Variants in ZNF609 observed in about 807,000 individuals in gnomAD.
ZNF609 encodes the protein zinc finger protein 609.
A neutral mutation model predicts 109.5 loss-of-function variants in ZNF609; 11 were observed. The observed-to-expected ratio is 0.10, with a 90% CI of 0.06 to 0.17. The LOEUF (loss-of-function observed/expected upper bound fraction) is 0.17. Among genes scored for constraint, ZNF609 ranks in the 10% least tolerant of loss-of-function variants. The pLI is 1.00. For missense variants in ZNF609, 1,559 were observed against 1,772.4 expected (o/e 0.88, Z 2.16); for synonymous variants, 646 against 662.0 (o/e 0.98, Z 0.37).
At chr15:64,642,848 T>A (rs886595050) in intron 3 of ZNF609, among the ~76,000 whole-genome samples, 16 of 152,198 alleles carry the variant, frequency 1.1e-4, no homozygotes, top group Admixed American at 3.3e-4. Flanking sequence ...AAAATTTTTT[T>A]AAATGGTTTT....
At chr15:64,631,822 G>T in intron 3 of ZNF609, 2 of 172,298 alleles carry the variant, frequency 1.2e-5, no homozygotes, top group Non-Finnish European at 2.4e-5. Context: ...GGGATTACAG[G>T]CATGAGCCAC....
intron 2 of ZNF609, among the ~76,000 whole-genome samples, chr15:64,580,955 CTTTTTTTTT>C (rs57690590): frequency 1.7e-5 from 1 of 58,744 alleles, no homozygotes; most frequent in Non-Finnish European, 2.9e-5. Flanking sequence ...TCAATGTCTT[CTTTTTTTTT>C]TTTTTTTTTT....
At chr15:64,607,068 C>G (rs1022441226) in intron 2 of ZNF609, among the ~76,000 whole-genome samples, 5 of 151,864 alleles carry the variant, frequency 3.3e-5, no homozygotes, top group African/African-American at 9.7e-5. Context: ...CGCTTGAACT[C>G]GGGAGGCGGA....
chr15:64,620,191 C>G (rs1895856528), intron 2 of ZNF609, among the ~76,000 whole-genome samples: 1 of 152,156 alleles, frequency 6.6e-6, no homozygotes, highest in African/African-American at 2.4e-5. Context: ...AGGAATTTCT[C>G]TTGTGAGTAG....
chr15:64,628,607 G>A (rs1057095705), intron 3 of ZNF609, among the ~76,000 whole-genome samples: 10 of 152,152 alleles, frequency 6.6e-5, no homozygotes, highest in South Asian at 4.1e-4. Context: ...GAGAATATGC[G>A]GCTGTCTGTA....
At chr15:64,655,368 G>A (rs892087543) in intron 3 of ZNF609, among the ~76,000 whole-genome samples, 6 of 152,064 alleles carry the variant, frequency 3.9e-5, no homozygotes, top group African/African-American at 1.2e-4. Context: ...CCTGGGAGGC[G>A]GAGGTTGTGG....
chr15:64,509,542 A>C, intron 2 of ZNF609, among the ~76,000 whole-genome samples: 1 of 152,246 alleles, frequency 6.6e-6, no homozygotes, highest in Non-Finnish European at 1.5e-5. Context: ...CAATGAATTT[A>C]TGATAGCTAA....
At chr15:64,602,705 CT>C (rs61064221) in intron 2 of ZNF609, among the ~76,000 whole-genome samples, 5,904 of 132,440 alleles carry the variant, frequency 0.045, 434 homozygotes, top group African/African-American at 0.15. Context: ...CCTGACTTTT[CT>C]TTTTTCTTTC....
intron 3 of ZNF609, among the ~76,000 whole-genome samples, chr15:64,657,423 A>G (rs959632512): frequency 1.3e-5 from 2 of 150,256 alleles, no homozygotes; most frequent in Admixed American, 1.3e-4. Flanking sequence ...AGACCATCCT[A>G]GCCAACATGG....
chr15:64,530,172 G>A (rs191504756), intron 2 of ZNF609, among the ~76,000 whole-genome samples: 45 of 152,008 alleles, frequency 3.0e-4, no homozygotes, highest in African/African-American at 8.4e-4. Flanking sequence ...ATGCCACCAC[G>A]CCTGGCTAAT....
chr15:64,520,160 C>T (rs918695787), intron 2 of ZNF609, among the ~76,000 whole-genome samples: 1 of 152,080 alleles, frequency 6.6e-6, no homozygotes, highest in Non-Finnish European at 1.5e-5. Context: ...TCTGGAGAAG[C>T]AGTACAGGAA....
chr15:64,631,631 C>A, intron 3 of ZNF609: 1 of 342,694 alleles, frequency 2.9e-6, no homozygotes, highest in Non-Finnish European at 5.4e-6. Context: ...CTCCTGGGTT[C>A]AAGCGATTCT....
At chr15:64,472,461 C>T (rs555325082) in intron 1 of ZNF609, among the ~76,000 whole-genome samples, 1 of 152,326 alleles carries the variant, frequency 6.6e-6, no homozygotes, top group East Asian at 1.9e-4. Context: ...GTACAAAGTA[C>T]AGCTAGTGTG....
intron 3 of ZNF609, among the ~76,000 whole-genome samples, chr15:64,636,403 G>T (rs1382344408): frequency 2.0e-5 from 3 of 152,136 alleles, no homozygotes; most frequent in Non-Finnish European, 4.4e-5. Context: ...TTTCTCCTTA[G>T]GGTATCTAAA....
At chr15:64,604,044 C>T (rs1742883886) in intron 2 of ZNF609, among the ~76,000 whole-genome samples, 1 of 151,044 alleles carries the variant, frequency 6.6e-6, no homozygotes, top group Admixed American at 6.6e-5. Context: ...TGTCACCTGC[C>T]TCTCCCCCAG....
chr15:64,612,252 A>G (rs1895728497), intron 2 of ZNF609, among the ~76,000 whole-genome samples: 2 of 150,746 alleles, frequency 1.3e-5, no homozygotes, highest in Admixed American at 6.6e-5. Flanking sequence ...GGTTCACGCC[A>G]TTCTCCTGCC....
chr15:64,469,053 AAAACAAC>A (rs1362679406), intron 1 of ZNF609, among the ~76,000 whole-genome samples: 1 of 135,784 alleles, frequency 7.4e-6, no homozygotes, highest in Non-Finnish European at 1.7e-5. Flanking sequence ...AAAAAAAAAA[AAAACAAC>A]ACAATTCAGC....
intron 1 of ZNF609, among the ~76,000 whole-genome samples, chr15:64,469,879 A>T (rs112016180): frequency 6.6e-5 from 10 of 152,170 alleles, no homozygotes; most frequent in Admixed American, 6.5e-4. Context: ...TTGTACCTGG[A>T]AGGATTTGCC....
chr15:64,595,360 CAAAA>C (rs923203042), intron 2 of ZNF609, among the ~76,000 whole-genome samples: 2 of 76,784 alleles, frequency 2.6e-5, no homozygotes, highest in South Asian at 9.2e-4. Context: ...GATTCCGTCT[CAAAA>C]AAAAAAAAAA....
Sources: allele counts gnomAD v4.1 joint callset (sites outside exome capture counted in the v4.1 genomes callset), GRCh38; gene constraint gnomAD v4.1.1; transcripts MANE v1.5; gene names NCBI Gene and HGNC (gene_info 2026-07-23, HGNC 2026-07-21).